PPFIA2: variants seen among roughly 807,000 people sequenced by gnomAD.
PPFIA2 encodes the protein liprin-alpha-2.
Under a neutral mutation model 175.5 loss-of-function variants are expected in PPFIA2, and 46 were observed. The observed-to-expected ratio is 0.26, with a 90% CI of 0.21 to 0.34. PPFIA2 has a LOEUF of 0.34. PPFIA2 is among the 10% of genes least tolerant of loss of function. The probability of loss-of-function intolerance (pLI) is 1.00; values close to 1 mark genes in which losing one functional copy is unlikely to be tolerated. For synonymous variants in PPFIA2, 568 were observed against 511.4 expected (o/e 1.11, Z -1.49); for missense variants, 1,179 against 1,506.1 (o/e 0.78, Z 3.60).
intron 6 of PPFIA2, among the ~76,000 whole-genome samples, chr12:81,443,542 A>T (rs563126758): frequency 1.3e-4 from 19 of 151,812 alleles, no homozygotes; most frequent in African/African-American, 4.4e-4. Flanking sequence ...TTTTTTCTTA[A>T]ATGTACTCAC....
At chr12:81,485,138 T>C (rs2058674540) in intron 4 of PPFIA2, among the ~76,000 whole-genome samples, 2 of 151,796 alleles carry the variant, frequency 1.3e-5, no homozygotes, top group African/African-American at 4.8e-5. Flanking sequence ...TAAATGAGTA[T>C]AGGGATTATG....
intron 23 of PPFIA2, among the ~76,000 whole-genome samples, chr12:81,298,647 T>C (rs145746726): frequency 3.3e-5 from 5 of 152,314 alleles, no homozygotes; most frequent in African/African-American, 1.2e-4. Flanking sequence ...CGTAGTCAAA[T>C]ATGTAGTTCC....
At chr12:81,677,311 A>C (rs2072722316) in intron 3 of PPFIA2, among the ~76,000 whole-genome samples, 1 of 151,926 alleles carries the variant, frequency 6.6e-6, no homozygotes, top group African/African-American at 2.4e-5. Flanking sequence ...ATTTAAGTCC[A>C]TCACCTCAAA....
intron 4 of PPFIA2, among the ~76,000 whole-genome samples, chr12:81,658,142 C>T (rs951584946): frequency 2.6e-5 from 4 of 151,902 alleles, no homozygotes; most frequent in African/African-American, 9.7e-5. Context: ...GTGTCATATG[C>T]CTGTAGTCAC....
intron 4 of PPFIA2, among the ~76,000 whole-genome samples, chr12:81,573,208 G>GT: frequency 6.6e-6 from 1 of 152,002 alleles, no homozygotes; most frequent in Admixed American, 6.6e-5. Flanking sequence ...CTCTCAACAT[G>GT]AAGGGTGGAG....
chr12:81,426,696 C>T (rs2047195674), intron 7 of PPFIA2, among the ~76,000 whole-genome samples: 1 of 150,946 alleles, frequency 6.6e-6, no homozygotes, highest in Admixed American at 6.6e-5. Flanking sequence ...ATTTAGTGTT[C>T]CAAGAGTTCA....
At chr12:81,549,924 C>A (rs1020323621) in intron 4 of PPFIA2, among the ~76,000 whole-genome samples, 7 of 151,748 alleles carry the variant, frequency 4.6e-5, no homozygotes, top group African/African-American at 9.7e-5. Context: ...CTTGACTAAA[C>A]CATCCCCAAA....
chr12:81,401,263 T>C (rs2042048348), intron 8 of PPFIA2, among the ~76,000 whole-genome samples: 3 of 152,184 alleles, frequency 2.0e-5, no homozygotes, highest in Admixed American at 2.0e-4. Flanking sequence ...ACAGGATTAA[T>C]AAATAGAATA....
intron 4 of PPFIA2, chr12:81,506,153 A>C (rs2061147548): frequency 6.6e-6 from 1 of 152,244 alleles, no homozygotes; most frequent in African/African-American, 2.4e-5. Context: ...AGTTATCTGC[A>C]AAGTTACATT....
chr12:81,368,575 A>T, intron 13 of PPFIA2, 150 bp downstream of exon 13: 1 of 832,506 alleles, frequency 1.2e-6, no homozygotes, highest in Non-Finnish European at 1.8e-6. Context: ...TTTTTAAATA[A>T]AAAATATGCA....
At chr12:81,556,318 T>A (rs1459063363) in intron 4 of PPFIA2, among the ~76,000 whole-genome samples, 4 of 152,066 alleles carry the variant, frequency 2.6e-5, no homozygotes, top group Non-Finnish European at 4.4e-5. Context: ...GGCTGTCAAT[T>A]GAATAATACT....
At chr12:81,413,811 A>G (rs896673330) in intron 7 of PPFIA2, among the ~76,000 whole-genome samples, 1 of 151,712 alleles carries the variant, frequency 6.6e-6, no homozygotes, top group African/African-American at 2.4e-5. Flanking sequence ...TGCCAATAGA[A>G]TTTTCCAATA....
chr12:81,740,370 G>A (rs1236763169), intron 3 of PPFIA2, among the ~76,000 whole-genome samples: 1 of 152,116 alleles, frequency 6.6e-6, no homozygotes, highest in Non-Finnish European at 1.5e-5. Flanking sequence ...CAAGTAGTAA[G>A]GGTTTACTAA....
chr12:81,356,410 C>T (rs1378544145), intron 16 of PPFIA2, among the ~76,000 whole-genome samples: 1 of 152,070 alleles, frequency 6.6e-6, no homozygotes. Context: ...CGCTTATAAT[C>T]CCAGCACTTT....
intron 3 of PPFIA2, among the ~76,000 whole-genome samples, chr12:81,741,603 C>T (rs2082330551): frequency 6.7e-6 from 1 of 148,730 alleles, no homozygotes; most frequent in Admixed American, 6.8e-5. Context: ...AATTCATAAA[C>T]TTTCTTAAAA....
chr12:81,274,212 A>G (rs2039916467), intron 28 of PPFIA2, among the ~76,000 whole-genome samples: 2 of 152,214 alleles, frequency 1.3e-5, no homozygotes, highest in South Asian at 4.1e-4. Context: ...TAATTTTATT[A>G]AACACACCGT....
chr12:81,754,891 A>G lies in PPFIA2; in HGVS notation c.-2-668T>C, dbSNP rs564662308. Among the ~76,000 whole-genome samples, 4 of 152,254 alleles carry G rather than the reference A, an allele frequency of 2.6e-5. No individual in the cohort carries two copies. In the South Asian group the frequency reaches 8.3e-4, roughly 32 times the overall value. On this transcript the variant is annotated intron_variant, in intron 2 of 32. Transcript: ENST00000549396. Reference sequence around the variant, plus strand: ...TTATATGCTCTCTCCCTGAATTCCTACGTGGTCTACCCAGAGCAGATAAGT... The same window carrying G: ...TTATATGCTCTCTCCCTGAATTCCTGCGTGGTCTACCCAGAGCAGATAAGT...
rs1566376438 is a variant in PPFIA2, at chr12:81,353,232, GTCA to G, written c.1878_1880del (p.Asp627del). 6.2e-7 allele frequency: 1 copy of G among 1,613,730 alleles called. No individual in the cohort carries two copies. The highest frequency in any genetic ancestry group is 1.7e-5 in the Admixed American group (1 of 59,982). ...CCATTGAGCTAAAAATTGTTTCTCT[GTCA>G]TCATCATCAATATCAGACATTTCAG... is the stretch of plus-strand genomic sequence containing the variant. On this transcript the variant is annotated inframe_deletion, in exon 17 of 33. Coordinates refer to ENST00000549396, the MANE Select transcript of PPFIA2 (RefSeq NM_003625.5).
chr12:81,385,702 G>A (rs2038777585), intron 8 of PPFIA2, among the ~76,000 whole-genome samples: 1 of 151,900 alleles, frequency 6.6e-6, no homozygotes, highest in Non-Finnish European at 1.5e-5. Context: ...CCAGAGGCTG[G>A]AAAAAAAGGA....
Sources: gnomAD v4.1 joint callset for allele counts (sites outside exome capture counted in the v4.1 genomes callset) on GRCh38, gnomAD v4.1.1 for gene constraint, MANE v1.5 for transcripts, NCBI Gene and HGNC (gene_info 2026-07-23, HGNC 2026-07-21) for gene names.